Variants in WWC1 observed in about 807,000 individuals in gnomAD.
The protein encoded by WWC1 is WW and C2 domain containing 1.
WWC1 carries 55 observed loss-of-function variants against 138.4 expected under a neutral mutation model. That is an observed-to-expected ratio of 0.40 (90% CI 0.32 to 0.50). The LOEUF (loss-of-function observed/expected upper bound fraction) is 0.50. WWC1 is among the 20% of genes least tolerant of loss of function. The pLI is 0.72. For missense variants in WWC1, 1,226 were observed against 1,420.4 expected (o/e 0.86, Z 2.20); for synonymous variants, 524 against 564.9 (o/e 0.93, Z 1.03).
At chr5:168,412,155 T>G (rs1780275725) in intron 8 of WWC1, 2 of 985,442 alleles carry the variant, frequency 2.0e-6, no homozygotes, top group Non-Finnish European at 1.2e-6. Context: ...ACTAAAGGAC[T>G]GCAGTGCTCT....
At chr5:168,465,044 G>A in intron 21 of WWC1, 82 bp downstream of exon 21, 1 of 1,522,658 alleles carries the variant, frequency 6.6e-7, no homozygotes, top group Non-Finnish European at 8.8e-7. Context: ...AGAGAGGCCA[G>A]AGCTCATGAT....
At chr5:168,351,121 TG>T (rs1200514276) in intron 1 of WWC1, among the ~76,000 whole-genome samples, 2 of 147,298 alleles carry the variant, frequency 1.4e-5, no homozygotes, top group East Asian at 4.0e-4. Context: ...CACTGGAGCC[TG>T]GGCAACAGTG....
rs1368039558 is a variant in WWC1 at position 168,292,497 on chromosome 5, A to C, written c.119+226A>C. Reference sequence around the variant, plus strand: ...CCGGGGAGCTGGCCCAGGCTGCCCCACCGCCATCCCCAGTTGGAGGACTTA... The same window carrying C: ...CCGGGGAGCTGGCCCAGGCTGCCCCCCCGCCATCCCCAGTTGGAGGACTTA... On this transcript the variant is annotated intron_variant, in intron 1 of 22. Coordinates refer to ENST00000265293, the MANE Select transcript of WWC1 (RefSeq NM_015238.3). The surrounding 1 kb of genome is among the most constrained non-coding windows in gnomAD (Gnocchi z 4.4). Among the ~76,000 whole-genome samples, 1 of 150,068 alleles carries C rather than the reference A, an allele frequency of 6.7e-6. No homozygotes were observed. The highest frequency in any genetic ancestry group is 2.0e-4 in the East Asian group (1 of 4,998).
At chr5:168,348,546 C>A (rs115626740) in intron 1 of WWC1, among the ~76,000 whole-genome samples, 2,778 of 152,310 alleles carry the variant, frequency 0.018, 39 homozygotes, top group South Asian at 0.054. Flanking sequence ...CCCTTTATCC[C>A]ACCTTGACCT....
intron 1 of WWC1, among the ~76,000 whole-genome samples, chr5:168,368,205 C>A (rs1322832022): frequency 6.6e-6 from 1 of 151,780 alleles, no homozygotes; most frequent in Non-Finnish European, 1.5e-5. Flanking sequence ...CTTCTCCTGC[C>A]TCTGCCTCCC....
At chr5:168,365,063 A>C (rs1237557488) in intron 1 of WWC1, among the ~76,000 whole-genome samples, 1 of 152,214 alleles carries the variant, frequency 6.6e-6, no homozygotes, top group Non-Finnish European at 1.5e-5. Flanking sequence ...AGGAAGAAGG[A>C]CTTCAAACGT....
At chr5:168,462,342 T>G (rs1033367546) in intron 20 of WWC1, among the ~76,000 whole-genome samples, 1 of 152,154 alleles carries the variant, frequency 6.6e-6, no homozygotes, top group African/African-American at 2.4e-5. Flanking sequence ...GACAACCAAC[T>G]GCCCACTCTG....
chr5:168,422,703 A>G (rs1781190933), intron 10 of WWC1, among the ~76,000 whole-genome samples: 1 of 152,226 alleles, frequency 6.6e-6, no homozygotes, highest in Non-Finnish European at 1.5e-5. Context: ...GCCTCCATGA[A>G]CAACAGTGCA....
intron 13 of WWC1, 84 bp from the exon 14 acceptor site, chr5:168,430,053 G>T: frequency 8.8e-7 from 1 of 1,135,640 alleles, no homozygotes; most frequent in Non-Finnish European, 1.3e-6. Context: ...CAACAGCCAC[G>T]TCCTGTGACT....
At chr5:168,362,377 G>A (rs1190748680) in intron 1 of WWC1, among the ~76,000 whole-genome samples, 1 of 152,258 alleles carries the variant, frequency 6.6e-6, no homozygotes, top group East Asian at 1.9e-4. Flanking sequence ...TACATATCTT[G>A]TCCAAGGTCA....
intron 11 of WWC1, among the ~76,000 whole-genome samples, chr5:168,426,284 AG>A (rs1261249724): frequency 1.3e-5 from 2 of 152,084 alleles, no homozygotes; most frequent in East Asian, 1.9e-4. Context: ...CCTGGAGAGG[AG>A]GGGGTGCAGG....
At chr5:168,374,174 C>T (rs755106138) in intron 2 of WWC1, among the ~76,000 whole-genome samples, 1 of 152,036 alleles carries the variant, frequency 6.6e-6, no homozygotes, top group African/African-American at 2.4e-5. Flanking sequence ...TGGGAGCTTG[C>T]GATACATGGG....
intron 1 of WWC1, among the ~76,000 whole-genome samples, chr5:168,339,515 G>A (rs1477366190): frequency 6.6e-6 from 1 of 152,160 alleles, no homozygotes; most frequent in Non-Finnish European, 1.5e-5. Flanking sequence ...GGCAAGGGTG[G>A]CTTTCCCTGG....
chr5:168,315,003 C>A (rs564370149), intron 1 of WWC1, among the ~76,000 whole-genome samples: 1 of 152,116 alleles, frequency 6.6e-6, no homozygotes, highest in Admixed American at 6.5e-5. Flanking sequence ...ACACTCAGTC[C>A]GTTGGTGTGA....
chr5:168,439,605 C>T lies in WWC1; in HGVS notation c.2281-2077C>T, dbSNP rs146070863. On this transcript the variant is annotated intron_variant, in intron 15 of 22. Transcript: ENST00000265293. ...CCATGCCATTGCACTCCAGCAGCCTCGGCAACAAGAGCAAAACTCTGTCTC... is the reference window on the plus strand; with the variant it reads ...CCATGCCATTGCACTCCAGCAGCCTTGGCAACAAGAGCAAAACTCTGTCTC... Among the ~76,000 whole-genome samples, 596 of 149,150 alleles carry T rather than the reference C, an allele frequency of 4.0e-3. 4 individuals carry two copies. Among genetic ancestry groups the T allele is most frequent in the African/African-American group, 0.013 (512 of 40,264 alleles).
intron 1 of WWC1, among the ~76,000 whole-genome samples, chr5:168,343,416 G>A (rs187544612): frequency 2.5e-3 from 381 of 152,260 alleles, no homozygotes; most frequent in Non-Finnish European, 4.0e-3. Context: ...GAAATAACTT[G>A]CCCAAGATCA....
At chr5:168,295,429 C>T (rs1769451915) in intron 1 of WWC1, among the ~76,000 whole-genome samples, 1 of 151,356 alleles carries the variant, frequency 6.6e-6, no homozygotes, top group Non-Finnish European at 1.5e-5. Context: ...GTAGTTATAT[C>T]CCTGCAATTA....
chr5:168,465,386 G>A (rs1757176770), intron 21 of WWC1, among the ~76,000 whole-genome samples: 1 of 148,934 alleles, frequency 6.7e-6, no homozygotes, highest in South Asian at 2.1e-4. Context: ...GGGGGAGAAG[G>A]GCTGGTCACA....
chr5:168,373,044 G>C (rs568071379), intron 2 of WWC1, among the ~76,000 whole-genome samples: 34 of 152,310 alleles, frequency 2.2e-4, no homozygotes, highest in African/African-American at 6.7e-4. Flanking sequence ...GGGTAGCAAA[G>C]GTTTTTATTA....
Sources: allele counts gnomAD v4.1 joint callset (sites outside exome capture counted in the v4.1 genomes callset), GRCh38; gene constraint gnomAD v4.1.1; non-coding constraint Gnocchi (gnomAD v3.1); transcripts MANE v1.5; gene names NCBI Gene and HGNC (gene_info 2026-07-23, HGNC 2026-07-21).